Variants in TMX3 observed in about 807,000 individuals in gnomAD.
TMX3 encodes thioredoxin related transmembrane protein 3, also known as protein disulfide-isomerase TMX3.
A neutral mutation model predicts 64.4 loss-of-function variants in TMX3; 40 were observed. That is an observed-to-expected ratio of 0.62 (90% CI 0.48 to 0.81). TMX3 has a LOEUF of 0.81. Ranked by LOEUF, TMX3 falls within the 30% of genes least tolerant of loss-of-function variation. The pLI is 0.00. For missense variants in TMX3, 497 were observed against 534.5 expected, an observed-to-expected ratio of 0.93 and a Z score of 0.69; for synonymous variants, 189 against 175.7, an observed-to-expected ratio of 1.08 and a Z score of -0.60.
chr18:68,685,074 G>A (rs562474225), intron 10 of TMX3, among the ~76,000 whole-genome samples: 34 of 152,196 alleles, frequency 2.2e-4, no homozygotes, highest in Non-Finnish European at 4.7e-4. Context: ...CTGGCATGAT[G>A]TAATAACCAG....
intron 2 of TMX3, among the ~76,000 whole-genome samples, chr18:68,713,128 T>C: frequency 6.6e-6 from 1 of 152,052 alleles, no homozygotes; most frequent in East Asian, 1.9e-4. Context: ...CCTACAGCAC[T>C]GAACAAAAGT....
chr18:68,693,693 G>A (rs1341045193), intron 8 of TMX3, among the ~76,000 whole-genome samples: 3 of 152,220 alleles, frequency 2.0e-5, no homozygotes, highest in East Asian at 1.9e-4. Flanking sequence ...TGCCATAGAC[G>A]GTATGATGAT....
At chr18:68,707,941 A>ATATATGTG (rs1555690798) in intron 4 of TMX3, among the ~76,000 whole-genome samples, 7 of 147,570 alleles carry the variant, frequency 4.7e-5, no homozygotes, top group African/African-American at 1.7e-4. Flanking sequence ...ATATATGTGT[A>ATATATGTG]TATATATGTG....
In TMX3 at chr18:68,715,062, A is replaced by C; in HGVS notation, c.-81T>G. ...GGGTCCGCCGCCTGCCCGCCCGGAA[A>C]GGGAAACGGAGCCGACCCGGAGCGG... On this transcript the variant is annotated 5_prime_UTR_variant, in exon 1 of 16. Transcript: ENST00000299608. The C allele has an allele frequency of 1.3e-6, 2 of 1,546,330 alleles. No individual in the cohort carries two copies. The highest frequency in any genetic ancestry group is 1.7e-6 in the Non-Finnish European group (2 of 1,144,526).
intron 6 of TMX3, among the ~76,000 whole-genome samples, chr18:68,699,930 T>G (rs1435610108): frequency 1.3e-5 from 2 of 152,170 alleles, no homozygotes; most frequent in African/African-American, 4.8e-5. Context: ...GGAAGCAGTA[T>G]GTGATAAATA....
chr18:68,691,144 G>GA (rs1177733122), intron 9 of TMX3, 151 bp downstream of exon 9: 22 of 443,822 alleles, frequency 5.0e-5, no homozygotes, highest in South Asian at 9.2e-5. Context: ...GTTGAAGGGT[G>GA]AAAAAAAACC....
intron 10 of TMX3, chr18:68,686,792 T>C (rs1914005759): frequency 5.1e-6 from 5 of 984,990 alleles, no homozygotes; most frequent in Non-Finnish European, 6.0e-6. Context: ...CAGCTCCTTC[T>C]GTAAAGATAA....
intron 6 of TMX3, among the ~76,000 whole-genome samples, chr18:68,699,183 T>C (rs1181377111): frequency 6.6e-6 from 1 of 152,184 alleles, no homozygotes; most frequent in Non-Finnish European, 1.5e-5. Flanking sequence ...CACTCTACCC[T>C]AGCCTCAATT....
intron 6 of TMX3, among the ~76,000 whole-genome samples, chr18:68,699,243 TGAA>T (rs1170125824): frequency 1.3e-5 from 2 of 152,162 alleles, no homozygotes; most frequent in Non-Finnish European, 2.9e-5. Flanking sequence ...AACTGACTCC[TGAA>T]ATTTCATCTA....
intron 2 of TMX3, 50 bp downstream of exon 2, chr18:68,713,796 C>T (rs1032266896): frequency 2.2e-6 from 2 of 913,332 alleles, no homozygotes; most frequent in African/African-American, 3.4e-5. Flanking sequence ...ATTCAGATAT[C>T]TGAGTTGGAC....
At chr18:68,712,993 T>A (rs187402585) in intron 2 of TMX3, among the ~76,000 whole-genome samples, 1 of 134,108 alleles carries the variant, frequency 7.5e-6, no homozygotes. Flanking sequence ...ACAGTGCAAG[T>A]CAAGAGGTTT....
In TMX3 at chr18:68,679,813, G is replaced by T. The variant is rs309207; in HGVS notation, c.1036-282C>A. Among the ~76,000 whole-genome samples the T allele has an allele frequency of 0.26, 39,965 of 151,978 alleles. 9,026 individuals are homozygous for T. Among genetic ancestry groups the T allele is most frequent in the African/African-American group, 0.61 (25,444 of 41,416 alleles). On this transcript the variant is annotated intron_variant, in intron 14 of 15. Coordinates refer to ENST00000299608, the MANE Select transcript of TMX3 (RefSeq NM_019022.5). ...TGGCTGAAGCTGACCCACCTCTGAG[G>T]ACAGCCTAACCAGCTTTTGAGTTTA...
intron 13 of TMX3, among the ~76,000 whole-genome samples, chr18:68,682,707 A>AT (rs1568180319): frequency 1.2e-4 from 17 of 140,022 alleles, no homozygotes; most frequent in Non-Finnish European, 2.4e-4. Flanking sequence ...ATCAGGAGAT[A>AT]ATTTTTTTTT....
At chr18:68,701,580 G>A in intron 5 of TMX3, 165 bp downstream of exon 5, 1 of 1,469,920 alleles carries the variant, frequency 6.8e-7, no homozygotes, top group African/African-American at 1.4e-5. Context: ...ACGAAGAAAA[G>A]CATAAAGAAG....
intron 14 of TMX3, among the ~76,000 whole-genome samples, chr18:68,680,471 T>C (rs950895171): frequency 1.3e-5 from 2 of 152,310 alleles, no homozygotes; most frequent in East Asian, 1.9e-4. Context: ...AGAAATATTT[T>C]ATAGGATTAA....
chr18:68,679,918 G>A (rs768179171), intron 14 of TMX3, among the ~76,000 whole-genome samples: 2 of 152,134 alleles, frequency 1.3e-5, no homozygotes, highest in Non-Finnish European at 2.9e-5. Context: ...TGAAAGTGCT[G>A]AAGGGAAGAG....
chr18:68,707,460 G>A (rs187450558), intron 4 of TMX3, among the ~76,000 whole-genome samples: 31 of 152,212 alleles, frequency 2.0e-4, no homozygotes, highest in African/African-American at 6.5e-4. Flanking sequence ...TTAATAAACA[G>A]TAGTACACAG....
At chr18:68,685,701 C>A (rs1913883355) in intron 10 of TMX3, among the ~76,000 whole-genome samples, 1 of 152,078 alleles carries the variant, frequency 6.6e-6, no homozygotes, top group South Asian at 2.1e-4. Flanking sequence ...AGGCTCTGCG[C>A]TTGTGAAAGC....
chr18:68,697,046 C>G (rs1915156821), intron 8 of TMX3, 180 bp downstream of exon 8: 1 of 417,156 alleles, frequency 2.4e-6, no homozygotes, highest in Non-Finnish European at 4.3e-6. Flanking sequence ...TAATAAAAAG[C>G]AATCTAATAC....
Sources: allele counts gnomAD v4.1 joint callset (sites outside exome capture counted in the v4.1 genomes callset), GRCh38; gene constraint gnomAD v4.1.1; transcripts MANE v1.5; gene names NCBI Gene and HGNC (gene_info 2026-07-23, HGNC 2026-07-21).